Variants in EYS observed in about 807,000 individuals in gnomAD.
EYS encodes the protein EGF-like photoreceptor maintenance factor.
A neutral mutation model predicts 282.1 loss-of-function variants in EYS; 250 were observed. That is an observed-to-expected ratio of 0.89 (90% CI 0.80 to 0.98). The LOEUF is 0.98. Among genes scored for constraint, EYS ranks in the 50% least tolerant of loss-of-function variants. The pLI is 0.00. For missense variants in EYS, 4,016 were observed against 3,709.0 expected (o/e 1.08, Z -2.15); for synonymous variants, 1,355 against 1,282.9 (o/e 1.06, Z -1.20).
At chr6:65,131,809 A>G (rs1775887205) in intron 12 of EYS, among the ~76,000 whole-genome samples, 1 of 151,790 alleles carries the variant, frequency 6.6e-6, no homozygotes, top group African/African-American at 2.4e-5. Context: ...AAAAATTAAT[A>G]TGATAGGCTG....
Position 65,384,413 on chromosome 6 carries a change from C to T in EYS, c.1272G>A (p.Trp424Ter), listed in dbSNP as rs1488525582. The change falls in exon 8 of 43, where the codon TGG (tryptophan) becomes TGA (stop). Residue 424 changes from tryptophan (W) to a stop codon, truncating the protein, a stop_gained. Coordinates refer to ENST00000503581, the MANE Select transcript of EYS (RefSeq NM_001142800.2). LOFTEE classifies it high-confidence loss of function. ...TGAATCTTCCAATTATATTGAAACACCATTCTTCATTCAGACAGTTGATGC... is the reference window on the plus strand; with the variant it reads ...TGAATCTTCCAATTATATTGAAACATCATTCTTCATTCAGACAGTTGATGC... The part of the protein sequence containing the change: ...LLSINCLNEE[W>*]CFNIIGRFKY... 6.2e-7 allele frequency: 1 copy of T among 1,606,472 alleles called. No homozygotes were observed. The highest frequency in any genetic ancestry group is 8.5e-7 in the Non-Finnish European group (1 of 1,175,106).
chr6:63,722,725 C>A (rs1768452195), intron 42 of EYS, among the ~76,000 whole-genome samples: 1 of 152,204 alleles, frequency 6.6e-6, no homozygotes, highest in South Asian at 2.1e-4. Flanking sequence ...TGCTACACTA[C>A]TTCTTCCTCC....
intron 31 of EYS, among the ~76,000 whole-genome samples, chr6:64,133,434 T>C (rs1774050600): frequency 6.6e-6 from 1 of 151,358 alleles, no homozygotes; most frequent in Non-Finnish European, 1.5e-5. Flanking sequence ...TATCTGTGGG[T>C]TTTCTAAGAT....
intron 33 of EYS, among the ~76,000 whole-genome samples, chr6:64,059,375 T>C (rs940503080): frequency 1.3e-5 from 2 of 151,944 alleles, no homozygotes; most frequent in African/African-American, 4.8e-5. Flanking sequence ...TTGAAGTGAA[T>C]TGCACAATTA....
At chr6:64,843,021 T>C (rs2643786) in intron 19 of EYS, among the ~76,000 whole-genome samples, 84,182 of 151,900 alleles carry the variant, frequency 0.55, 24,075 homozygotes, top group Non-Finnish European at 0.61. Context: ...TGGCCACCCC[T>C]CTCATCACAG....
rs913672826 is a variant in EYS, at chr6:64,590,420, T to C, written c.5447A>G (p.Asp1816Gly). 1 of 1,551,268 alleles carries C rather than the reference T, an allele frequency of 6.4e-7. No individual in the cohort carries two copies. Among genetic ancestry groups the C allele is most frequent in the African/African-American group, 1.4e-5 (1 of 73,022 alleles). The change falls in exon 26 of 43, where the codon GAT becomes GGT. Residue 1816 changes from aspartate (D) to glycine (G), a missense_variant. Asp to Gly is a moderately conservative substitution (Grantham distance 94). Coordinates refer to ENST00000503581, the MANE Select transcript of EYS (RefSeq NM_001142800.2). ...CATATAATCTGTAAAATATGGCCAATCTGGCCTAATTACAGACATGGAGGA... is the reference window on the plus strand; with the variant it reads ...CATATAATCTGTAAAATATGGCCAACCTGGCCTAATTACAGACATGGAGGA... The part of the protein sequence containing the change: ...TSSSMSVIRP[D>G]WPYFTDYMTS...
At chr6:64,208,531 G>T (rs1245913593) in intron 31 of EYS, among the ~76,000 whole-genome samples, 1 of 152,038 alleles carries the variant, frequency 6.6e-6, no homozygotes, top group South Asian at 2.1e-4. Flanking sequence ...GTATATTACA[G>T]TAAATTTACA....
At chr6:64,192,591 T>C (rs1420161303) in intron 31 of EYS, among the ~76,000 whole-genome samples, 1 of 152,156 alleles carries the variant, frequency 6.6e-6, no homozygotes, top group African/African-American at 2.4e-5. Context: ...AAGGATTCCC[T>C]ATTTAATAAA....
intron 2 of EYS, among the ~76,000 whole-genome samples, chr6:65,519,591 T>G (rs1767271912): frequency 6.8e-6 from 1 of 146,900 alleles, no homozygotes; most frequent in Non-Finnish European, 1.5e-5. Context: ...TTTCATGAAA[T>G]ATCACAGTTA....
chr6:64,519,876 A>G (rs1022703365), intron 26 of EYS, among the ~76,000 whole-genome samples: 2 of 151,822 alleles, frequency 1.3e-5, no homozygotes, highest in African/African-American at 4.8e-5. Context: ...AATTTTTATA[A>G]AAGGGTGGAT....
chr6:65,361,731 T>G (rs1275353411), intron 8 of EYS, among the ~76,000 whole-genome samples: 2 of 152,134 alleles, frequency 1.3e-5, no homozygotes, highest in African/African-American at 4.8e-5. Context: ...TCTGTCCATT[T>G]CAGCCTCCCA....
At chr6:65,333,949 C>A (rs1769887999) in intron 11 of EYS, among the ~76,000 whole-genome samples, 1 of 150,780 alleles carries the variant, frequency 6.6e-6, no homozygotes. Context: ...TTATTTGTAT[C>A]TTTGAATCTA....
chr6:65,294,043 G>A (rs1453617105), intron 12 of EYS, among the ~76,000 whole-genome samples: 1 of 151,730 alleles, frequency 6.6e-6, no homozygotes, highest in Admixed American at 6.6e-5. Context: ...AGGGAGAAAG[G>A]GAAGGAGGAG....
At chr6:64,804,984 T>A (rs1764382245) in intron 22 of EYS, among the ~76,000 whole-genome samples, 2 of 152,082 alleles carry the variant, frequency 1.3e-5, no homozygotes, top group African/African-American at 4.8e-5. Flanking sequence ...AACTGCAATT[T>A]TTTTTGTACA....
At chr6:64,886,067 A>AAAAC (rs2150062864) in intron 19 of EYS, among the ~76,000 whole-genome samples, 1 of 109,194 alleles carries the variant, frequency 9.2e-6, no homozygotes, top group South Asian at 3.1e-4. Context: ...AAATAACACA[A>AAAAC]AAACTATATT....
intron 24 of EYS, among the ~76,000 whole-genome samples, chr6:64,596,166 G>A (rs1766580792): frequency 6.6e-6 from 1 of 152,100 alleles, no homozygotes; most frequent in East Asian, 1.9e-4. Flanking sequence ...AGAAAGTGAT[G>A]AGGGATCCAC....
At chr6:63,835,077 A>T (rs185108934) in intron 36 of EYS, among the ~76,000 whole-genome samples, 1,961 of 147,410 alleles carry the variant, frequency 0.013, 37 homozygotes, top group South Asian at 0.072. Flanking sequence ...GGGGAGGGTT[A>T]GCATTAAGGG....
chr6:64,333,221 C>A (rs921470933), intron 29 of EYS, among the ~76,000 whole-genome samples: 1 of 152,116 alleles, frequency 6.6e-6, no homozygotes, highest in South Asian at 2.1e-4. Context: ...AATTGGTGAA[C>A]CCCTAATGCT....
At chr6:64,342,119 T>C (rs1771140451) in intron 29 of EYS, among the ~76,000 whole-genome samples, 1 of 151,578 alleles carries the variant, frequency 6.6e-6, no homozygotes. Flanking sequence ...AATTATAGCA[T>C]AGTTATAGAA....
Sources: gnomAD v4.1 joint callset for allele counts (sites outside exome capture counted in the v4.1 genomes callset) on GRCh38, gnomAD v4.1.1 for gene constraint, MANE v1.5 for transcripts, NCBI Gene and HGNC (gene_info 2026-07-23, HGNC 2026-07-21) for gene names.